DST: variants seen among roughly 807,000 people sequenced by gnomAD.
DST encodes the protein dystonin, also known as bullous pemphigoid antigen.
A neutral mutation model predicts 875.2 loss-of-function variants in DST; 253 were observed. The observed-to-expected ratio is 0.29, with a 90% CI of 0.26 to 0.32. The LOEUF is 0.32. Ranked by LOEUF, DST falls within the 10% of genes least tolerant of loss-of-function variation. The pLI is 1.00. For synonymous variants in DST, 3,124 were observed against 3,197.1 expected, an observed-to-expected ratio of 0.98 and a Z score of 0.77; for missense variants, 8,287 against 9,111.6, an observed-to-expected ratio of 0.91 and a Z score of 3.68.
At chr6:56,887,864 A>G (rs1785351842) in intron 3 of DST, among the ~76,000 whole-genome samples, 1 of 152,104 alleles carries the variant, frequency 6.6e-6, no homozygotes, top group African/African-American at 2.4e-5. Flanking sequence ...AATACAGTCT[A>G]CCTACCTTGC....
rs1378351546 is a variant in DST, at chr6:56,555,594, G to A, written c.14887C>T (p.Leu4963=). The A allele has an allele frequency of 2.5e-6, 4 of 1,614,012 alleles. No homozygotes were observed. The highest frequency in any genetic ancestry group is 3.4e-6 in the Non-Finnish European group (4 of 1,179,892). ...CTGAGTTTATTATCCAAGTCACTCA[G>A]TTTATCAGAAAGGCTTCTCAGCAGG... ...QSLLRSLSDK[L]SDLDNKLSSS... The change falls in exon 60 of 104, where the codon CTG becomes TTG. Residue 4963 remains leucine, a synonymous_variant. Transcript: ENST00000680361.
chr6:56,736,884 T>C (rs963835462), intron 4 of DST, among the ~76,000 whole-genome samples: 8 of 152,164 alleles, frequency 5.3e-5, no homozygotes, highest in African/African-American at 1.9e-4. Context: ...TAAAAAGTAA[T>C]GCCCAAGGGT....
intron 10 of DST, among the ~76,000 whole-genome samples, chr6:56,655,673 C>T (rs2099003597): frequency 6.6e-6 from 1 of 152,100 alleles, no homozygotes; most frequent in African/African-American, 2.4e-5. Context: ...AGTACAAAAA[C>T]AGAAATATGT....
chr6:56,820,050 C>T (rs944243223), intron 4 of DST, among the ~76,000 whole-genome samples: 1 of 152,164 alleles, frequency 6.6e-6, no homozygotes, highest in African/African-American at 2.4e-5. Flanking sequence ...ATATCTGTAA[C>T]CTCAACAGGC....
chr6:56,464,897 A>G, intron 99 of DST, 141 bp from the exon 100 acceptor site: 1 of 650,724 alleles, frequency 1.5e-6, no homozygotes, highest in Non-Finnish European at 2.7e-6. Flanking sequence ...TGCATCAGGA[A>G]AAGAAGCACT....
Position 56,607,873 on chromosome 6 carries a change from T to C in DST, c.6755A>G (p.Asp2252Gly). ...AAATACACCAGATGAGCTTAAGACA[T>C]CGAGACATTCTTTTATGGCTGTGTT... The part of the protein sequence containing the change: ...DGNTAIKECL[D>G]VLSSSGVFLN... The change falls in exon 40 of 104, where the codon GAT (aspartate) becomes GGT (glycine). Residue 2252 changes from aspartate to glycine, a missense_variant. Physicochemically the swap from Asp to Gly is moderately conservative, Grantham distance 94 (BLOSUM62 -1). This residue lies in a region of DST where 3,138 missense variants were observed against 3,116.6 expected (regional missense o/e 1.01). Coordinates refer to ENST00000680361, the MANE Select transcript of DST (RefSeq NM_001374736.1). 1 of 1,613,674 alleles carries C rather than the reference T, an allele frequency of 6.2e-7. No individual in the cohort carries two copies. The highest frequency in any genetic ancestry group is 8.5e-7 in the Non-Finnish European group (1 of 1,179,730).
At chr6:56,613,008 G>A (rs551510083) in intron 37 of DST, among the ~76,000 whole-genome samples, 1 of 152,150 alleles carries the variant, frequency 6.6e-6, no homozygotes, top group East Asian at 1.9e-4. Context: ...CAACCTGGGT[G>A]ACAGAGCAAG....
chr6:56,731,294 G>A (rs1003847986), intron 5 of DST, among the ~76,000 whole-genome samples: 1 of 152,156 alleles, frequency 6.6e-6, no homozygotes, highest in Non-Finnish European at 1.5e-5. Flanking sequence ...GTCACACCAC[G>A]TTACCCAGAC....
At chr6:56,503,594 T>C (rs62412491) in intron 78 of DST, among the ~76,000 whole-genome samples, 409 of 140,882 alleles carry the variant, frequency 2.9e-3, no homozygotes, top group East Asian at 7.6e-3. Flanking sequence ...TACCTATACA[T>C]ACACACACAC....
At chr6:56,886,667 C>T (rs1162296454) in intron 3 of DST, among the ~76,000 whole-genome samples, 3 of 149,572 alleles carry the variant, frequency 2.0e-5, no homozygotes, top group Non-Finnish European at 4.4e-5. Flanking sequence ...CCCAGCTGCT[C>T]GGGAGGCTGA....
intron 22 of DST, among the ~76,000 whole-genome samples, chr6:56,637,889 T>C (rs751737754): frequency 4.6e-5 from 7 of 152,172 alleles, no homozygotes; most frequent in South Asian, 2.1e-4. Flanking sequence ...TGATGCAGCA[T>C]TGAATATCTG....
chr6:56,938,445 T>C (rs1420848983), intron 2 of DST, among the ~76,000 whole-genome samples: 1 of 151,992 alleles, frequency 6.6e-6, no homozygotes, highest in Non-Finnish European at 1.5e-5. Flanking sequence ...AAAAACTAAG[T>C]TGGGCCTAAA....
chr6:56,841,581 C>T (rs1043115526), intron 4 of DST, among the ~76,000 whole-genome samples: 1 of 152,194 alleles, frequency 6.6e-6, no homozygotes, highest in African/African-American at 2.4e-5. Flanking sequence ...AAATCACCCA[C>T]GTGTCACTTA....
chr6:56,863,246 T>C (rs1181124219), intron 3 of DST: 1 of 152,180 alleles, frequency 6.6e-6, no homozygotes, highest in Non-Finnish European at 1.5e-5. Context: ...AGAGCAAAGG[T>C]GTATAAACCA....
chr6:56,839,606 G>T (rs1293686935), intron 4 of DST, among the ~76,000 whole-genome samples: 1 of 152,164 alleles, frequency 6.6e-6, no homozygotes, highest in African/African-American at 2.4e-5. Flanking sequence ...ATGCTGCAGA[G>T]AAATTCCCTG....
chr6:56,620,398 T>C, intron 36 of DST: 2 of 1,614,218 alleles, frequency 1.2e-6, no homozygotes, highest in Non-Finnish European at 1.7e-6. Context: ...GCTCCAGTTC[T>C]CTTTCAGCGG....
chr6:56,735,437 C>A, intron 4 of DST, 148 bp from the exon 5 acceptor site: 1 of 603,148 alleles, frequency 1.7e-6, no homozygotes, highest in Non-Finnish European at 2.9e-6. Context: ...CAACTTCAGG[C>A]TATCTGTAAG....
intron 4 of DST, among the ~76,000 whole-genome samples, chr6:56,783,250 C>G (rs1475867721): frequency 3.9e-5 from 6 of 152,140 alleles, no homozygotes; most frequent in African/African-American, 1.4e-4. Flanking sequence ...CTGCTTGGTG[C>G]AGAGCTGAGT....
intron 2 of DST, among the ~76,000 whole-genome samples, chr6:56,936,709 T>C (rs1300776294): frequency 1.3e-5 from 2 of 152,132 alleles, no homozygotes; most frequent in Non-Finnish European, 1.5e-5. Context: ...CCCCAACTTT[T>C]TGGCTAGACA....
Sources: gnomAD v4.1 joint callset for allele counts (sites outside exome capture counted in the v4.1 genomes callset) on GRCh38, gnomAD v4.1.1 for gene constraint, gnomAD v4.1.1 regional missense constraint, MANE v1.5 for transcripts, NCBI Gene and HGNC (gene_info 2026-07-23, HGNC 2026-07-21) for gene names.